Variants in H6PD observed in about 807,000 individuals in gnomAD.
H6PD encodes GDH/6PGL endoplasmic bifunctional protein.
Under a neutral mutation model 61.2 loss-of-function variants are expected in H6PD, and 48 were observed. That is an observed-to-expected ratio of 0.78 (90% CI 0.62 to 1.00). H6PD has a LOEUF of 1.00. Among genes scored for constraint, H6PD ranks in the 50% least tolerant of loss-of-function variants. The pLI is 0.00. For synonymous variants in H6PD, 480 were observed against 457.9 expected (o/e 1.05, Z -0.62); for missense variants, 1,093 against 1,065.0 (o/e 1.03, Z -0.37).
At position 9,264,397 on chromosome 1, in the gene H6PD, G is replaced by C. The variant is rs1315557117; in HGVS notation, c.1904G>C (p.Gly635Ala). The C allele has an allele frequency of 5.0e-6, 8 of 1,612,892 alleles. No individual in the cohort carries two copies. The highest frequency in any genetic ancestry group is 4.2e-6 in the Non-Finnish European group (5 of 1,179,946). ...TCAGACCCGGAGTCCAACTTCCAGG[G>C]CCTGCAGGCCCACCTGCTGCAGCAC... is the stretch of plus-strand genomic sequence containing the variant. Reference protein sequence around the residue: ...PLSDPESNFQGLQAHLLQHVR... With the variant: ...PLSDPESNFQALQAHLLQHVR... The change falls in exon 5 of 5, where the codon GGC becomes GCC. Residue 635 changes from glycine to alanine, a missense_variant. Gly to Ala is a moderately conservative substitution (Grantham distance 60). Coordinates refer to ENST00000377403, the MANE Select transcript of H6PD (RefSeq NM_004285.4).
intron 1 of H6PD, among the ~76,000 whole-genome samples, chr1:9,243,440 C>A (rs371298884): frequency 1.3e-5 from 2 of 152,184 alleles, no homozygotes; most frequent in Admixed American, 6.5e-5. Flanking sequence ...TCAGTTCCTT[C>A]GTCACTGCTC....
intron 1 of H6PD, among the ~76,000 whole-genome samples, chr1:9,240,345 C>T (rs766499693): frequency 1.3e-5 from 2 of 152,134 alleles, no homozygotes; most frequent in Admixed American, 6.5e-5. Context: ...TTCTCTGTTT[C>T]CCTGCCTGGC....
At chr1:9,248,096 G>A (rs1198565183) in intron 3 of H6PD, among the ~76,000 whole-genome samples, 1 of 152,186 alleles carries the variant, frequency 6.6e-6, no homozygotes, top group East Asian at 1.9e-4. Context: ...CCGCTGCGCT[G>A]TGCTGCCAGC....
chr1:9,239,653 A>G (rs966529153), intron 1 of H6PD, among the ~76,000 whole-genome samples: 1 of 152,218 alleles, frequency 6.6e-6, no homozygotes, highest in Non-Finnish European at 1.5e-5. Flanking sequence ...TGTTCTTTTT[A>G]AAAAATTCCA....
In H6PD at chr1:9,264,771, C is replaced by T. The variant is rs758495315; in HGVS notation, c.2278C>T (p.Arg760Trp). Reference protein sequence around the residue: ...MKREITTLVSRVGHEPKKWPI... With the variant: ...MKREITTLVSWVGHEPKKWPI... ...GCGTGAGATCACCACGCTGGTGAGC[C>T]GGGTGGGCCATGAGCCCAAGAAGTG... Residue 760 changes from arginine to tryptophan, a missense_variant, in exon 5 of 5, where the codon CGG (arginine) becomes TGG (tryptophan). Physicochemically the swap from Arg to Trp is moderately radical, Grantham distance 101. Transcript: ENST00000377403. The T allele has an allele frequency of 2.7e-5, 44 of 1,612,960 alleles. No individual in the cohort carries two copies. The highest frequency in any genetic ancestry group is 3.3e-5 in the Admixed American group (2 of 60,006).
intron 4 of H6PD, among the ~76,000 whole-genome samples, 181 bp from the exon 5 acceptor site, chr1:9,263,328 C>A (rs1048441053): frequency 3.9e-5 from 6 of 152,124 alleles, no homozygotes; most frequent in Non-Finnish European, 7.4e-5. Flanking sequence ...GGCCGGTTTT[C>A]AAGCATGGAC....
chr1:9,256,368 C>T (rs944006143), intron 3 of H6PD, among the ~76,000 whole-genome samples: 3 of 152,246 alleles, frequency 2.0e-5, no homozygotes, highest in African/African-American at 7.2e-5. Flanking sequence ...CACCCTCTAG[C>T]TCCTGGTTGT....
In H6PD at chr1:9,247,088, G is replaced by A. The variant is rs764813894; in HGVS notation, c.745+5G>A. ...AAGAGACCGTGGATGCTGAAGGTGT[G>A]TGAGTGGCCCTGCGCACTCGGTCCC... On this transcript the variant is annotated splice_donor_5th_base_variant and intron_variant, in intron 3 of 4. Coordinates refer to ENST00000377403, the MANE Select transcript of H6PD (RefSeq NM_004285.4). 5.1e-6 allele frequency: 8 copies of A among 1,564,118 alleles called. No individual in the cohort carries two copies. Among genetic ancestry groups the A allele is most frequent in the African/African-American group, 1.4e-5 (1 of 73,920 alleles).
At chr1:9,243,578 T>G (rs1482689628) in intron 1 of H6PD, among the ~76,000 whole-genome samples, 3 of 152,124 alleles carry the variant, frequency 2.0e-5, no homozygotes, top group African/African-American at 7.2e-5. Context: ...GGTTGGAAGC[T>G]AGAGAGCCAG....
intron 3 of H6PD, among the ~76,000 whole-genome samples, chr1:9,259,243 C>T (rs1181723351): frequency 1.3e-5 from 2 of 152,112 alleles, no homozygotes; most frequent in Admixed American, 6.5e-5. Context: ...CTGCCTTGGC[C>T]TCCCAAAGTG....
At chr1:9,243,487 T>C (rs1483317380) in intron 1 of H6PD, among the ~76,000 whole-genome samples, 1 of 152,182 alleles carries the variant, frequency 6.6e-6, no homozygotes, top group Non-Finnish European at 1.5e-5. Context: ...ACCGTGGATT[T>C]CTGACTAGTT....
Position 9,271,050 on chromosome 1 carries a change from T to C in H6PD, c.*6181T>C, listed in dbSNP as rs1258029608. 6.6e-6 allele frequency: 1 copy of C among 151,212 alleles called. No individual in the cohort carries two copies. Among genetic ancestry groups the C allele is most frequent in the Non-Finnish European group, 1.5e-5 (1 of 67,974 alleles). 9.4% of individuals were successfully genotyped at this position (151,212 alleles called of 1,614,324 possible). On this transcript the variant is annotated 3_prime_UTR_variant, in exon 5 of 5. Transcript: ENST00000377403. The stretch of plus-strand genomic sequence containing the variant: ...TTTGCCTCCCAGGTTCAAGTGATTC[T>C]CCTACCTCAGCCTCCCGAGTAGCTG...
chr1:9,239,887 C>T (rs1333158257), intron 1 of H6PD: 16 of 656,130 alleles, frequency 2.4e-5, no homozygotes, highest in Admixed American at 4.4e-5. Context: ...CAGGCTGGGT[C>T]TGCTGTGCCG....
chr1:9,261,985 T>C, intron 3 of H6PD, 74 bp from the exon 4 acceptor site: 1 of 1,482,988 alleles, frequency 6.7e-7, no homozygotes. Context: ...GCTGGGGTTT[T>C]GGTGCACCTC....
In H6PD at chr1:9,270,270, C is replaced by T. The variant is rs991865669; in HGVS notation, c.*5401C>T. On this transcript the variant is annotated 3_prime_UTR_variant, in exon 5 of 5. Transcript: ENST00000377403. ...CTTCCCTTGGTGTGGGAGAGGTAAA[C>T]ACTTTGATTTGCTGAAAGCTGTATG... 5 of 152,604 alleles carry T rather than the reference C, an allele frequency of 3.3e-5. No homozygotes were observed. Among genetic ancestry groups the T allele is most frequent in the African/African-American group, 7.2e-5 (3 of 41,448 alleles). The allele number at this position is 152,604 out of a possible 1,614,324, so 9.5% of individuals were successfully genotyped here. A position where few individuals can be genotyped will look rare whatever the true frequency, so the allele number is the denominator to read the frequency against.
Position 9,236,830 on chromosome 1 carries a change from G to A in H6PD, c.-11+1764G>A, listed in dbSNP as rs78753813. 2.8e-3 allele frequency among the ~76,000 whole-genome samples: 427 copies of A among 152,320 alleles called. 4 individuals carry two copies. The highest frequency in any genetic ancestry group is 9.6e-3 in the African/African-American group (401 of 41,560). ...TTGTCTGAGGGTACATAGTTACTGA[G>A]TGGCAGGGATTTGAATCCAGAATAT... On this transcript the variant is annotated intron_variant, in intron 1 of 4. Transcript: ENST00000377403.
rs2185298 is a variant in H6PD, at chr1:9,245,993, A to G, written c.627+432A>G. Among the ~76,000 whole-genome samples the G allele has an allele frequency of 0.012, 1,827 of 149,760 alleles. 36 individuals carry two copies. Among genetic ancestry groups the G allele is most frequent in the African/African-American group, 0.043 (1,745 of 40,630 alleles). On this transcript the variant is annotated intron_variant, in intron 2 of 4. Transcript: ENST00000377403. The surrounding 1 kb of genome is among the most constrained non-coding windows in gnomAD (Gnocchi z 4.8). ...AGAGTCTGCTCTGTCACCAGGCTGG[A>G]GTGCAGTGGCATGATCTCGGCTCAC...
At chr1:9,262,709 A>G (rs1002170912) in intron 4 of H6PD, among the ~76,000 whole-genome samples, 8 of 152,336 alleles carry the variant, frequency 5.3e-5, no homozygotes, top group South Asian at 2.1e-4. Flanking sequence ...GCCAAGTGCC[A>G]TGCCAGGGCT....
chr1:9,246,936 G>A (rs373377801), intron 2 of H6PD, 30 bp from the exon 3 acceptor site: 2 of 1,465,408 alleles, frequency 1.4e-6, no homozygotes, highest in African/African-American at 1.4e-5. Context: ...AGAGTATCCT[G>A]CAGCACGCCC....
Sources: allele counts gnomAD v4.1 joint callset (sites outside exome capture counted in the v4.1 genomes callset), GRCh38; gene constraint gnomAD v4.1.1; non-coding constraint Gnocchi (gnomAD v3.1); transcripts MANE v1.5; gene names NCBI Gene and HGNC (gene_info 2026-07-23, HGNC 2026-07-21).